IGFBP7: variants seen among roughly 807,000 people sequenced by gnomAD.
IGFBP7 encodes the protein insulin-like growth factor-binding protein 7.
Under a neutral mutation model 29.4 loss-of-function variants are expected in IGFBP7, and 31 were observed. The observed-to-expected ratio is 1.05, with a 90% confidence interval of 0.79 to 1.42. The LOEUF (loss-of-function observed/expected upper bound fraction) is 1.42, where lower values mean the gene tolerates loss of function less well. Ranked by LOEUF, IGFBP7 falls within the 40% of genes most tolerant of loss-of-function variation. The pLI, the probability that IGFBP7 is intolerant of heterozygous loss-of-function variation, is 0.00. For missense variants in IGFBP7, 393 were observed against 395.5 expected (o/e 0.99, Z 0.05); for synonymous variants, 172 against 174.9 (o/e 0.98, Z 0.13).
In IGFBP7 at chr4:57,110,324, GC is replaced by G; in HGVS notation, c.27del (p.Leu10SerfsTer79). The stretch of plus-strand genomic sequence containing the variant: ...AGCAGCAGCCCAGCGGCGCCGAGGA[GC>G]AGGGCGCGCAGCGACGGCCGCTCCA... Reference protein sequence around the residue: MERPSLRALLLGAAGLLLL... With the variant: MERPSLRAXLLGAAGLLLL... On this transcript the variant is annotated frameshift_variant, in exon 1 of 5. Coordinates refer to ENST00000295666, the MANE Select transcript of IGFBP7 (RefSeq NM_001553.3). LOFTEE classifies it high-confidence loss of function. 7.2e-7 allele frequency: 1 copy of G among 1,394,724 alleles called. No individual in the cohort carries two copies. The highest frequency in any genetic ancestry group is 9.3e-7 in the Non-Finnish European group (1 of 1,071,996). 86.4% of individuals were successfully genotyped at this position (1,394,724 alleles called of 1,614,324 possible).
rs1340470599 is a variant in IGFBP7 at position 57,049,201 on chromosome 4, C to T, written c.476-8268G>A. Among the ~76,000 whole-genome samples, 7 of 151,774 alleles carry T rather than the reference C, an allele frequency of 4.6e-5. No homozygotes were observed. The South Asian group carries it at 1.5e-3, about 32-fold the overall frequency. ...CCCAGTTAGCCAATTTTTTTTTCAT[C>T]TGAAAGAGCTGTGTAGAAGATATTA... On this transcript the variant is annotated intron_variant, in intron 1 of 4. Transcript: ENST00000295666.
chr4:57,098,631 C>A lies in IGFBP7; in HGVS notation c.475+11246G>T, dbSNP rs904339706. ...CCCTGGCCTGTCAAATATCTGGCAG[C>A]GTCTTGATCTCTGCCCCAGCCTGCC... On this transcript the variant is annotated intron_variant, in intron 1 of 4. Transcript: ENST00000295666. 2.6e-5 allele frequency among the ~76,000 whole-genome samples: 4 copies of A among 152,286 alleles called. No individual in the cohort carries two copies. The South Asian group carries it at 8.3e-4, about 32-fold the overall frequency.
At chr4:57,075,964 T>C (rs555535155) in intron 1 of IGFBP7, among the ~76,000 whole-genome samples, 2 of 152,322 alleles carry the variant, frequency 1.3e-5, no homozygotes, top group South Asian at 2.1e-4. Flanking sequence ...AGGAATACGA[T>C]ATAAAAATCT....
In IGFBP7 at chr4:57,110,156, C is replaced by T. The variant is rs1026254259; in HGVS notation, c.196G>A (p.Gly66Ser). The change falls in exon 1 of 5, where the codon GGC (glycine) becomes AGC (serine). Residue 66 changes from glycine to serine, a missense_variant. Transcript: ENST00000295666. ...CCACCCCCGCACGGCTCGCCCTCGC[C>T]GCGGGCGCACATAGGGCAGCAGCCG... The part of the protein sequence containing the change: ...ACGCCPMCAR[G>S]EGEPCGGGGA... 1.4e-6 allele frequency: 2 copies of T among 1,465,644 alleles called. No homozygotes were observed. Among genetic ancestry groups the T allele is most frequent in the East Asian group, 5.8e-5 (2 of 34,618 alleles). The allele number at this position is 1,465,644 out of a possible 1,614,324, so 90.8% of individuals were successfully genotyped here. A position where few individuals can be genotyped will look rare whatever the true frequency, so the allele number is the denominator to read the frequency against.
At chr4:57,062,080 G>A (rs189609653) in intron 1 of IGFBP7, among the ~76,000 whole-genome samples, 25 of 152,270 alleles carry the variant, frequency 1.6e-4, no homozygotes, top group East Asian at 1.4e-3. Context: ...TGTCTTGTGC[G>A]AGGTCACACA....
intron 1 of IGFBP7, among the ~76,000 whole-genome samples, chr4:57,075,892 T>C (rs1330224584): frequency 6.6e-6 from 1 of 152,232 alleles, no homozygotes; most frequent in Non-Finnish European, 1.5e-5. Context: ...CATGGATCTG[T>C]TATATATAAC....
intron 1 of IGFBP7, among the ~76,000 whole-genome samples, chr4:57,062,273 C>T (rs532894016): frequency 4.4e-4 from 67 of 152,128 alleles, no homozygotes; most frequent in Admixed American, 7.9e-4. Context: ...AACTGTAGGC[C>T]AAACTAGATT....
rs777120470 is a variant in IGFBP7 at position 57,110,078 on chromosome 4, T to C, written c.274A>G (p.Lys92Glu). Residue 92 changes from lysine to glutamate, a missense_variant, in exon 1 of 5, where the codon AAG becomes GAG. Physicochemically the swap from Lys to Glu is moderately conservative, Grantham distance 56 (BLOSUM62 1). Coordinates refer to ENST00000295666, the MANE Select transcript of IGFBP7 (RefSeq NM_001553.3). ...APGMECVKSR[K>E]RRKGKAGAAA... ...GCCCCGGCTTTACCCTTCCGCCTCT[T>C]GCGGCTCTTCACGCACTCCATGCCC... 7 of 1,556,606 alleles carry C rather than the reference T, an allele frequency of 4.5e-6. No individual in the cohort carries two copies. The East Asian group carries it at 1.7e-4, about 37-fold the overall frequency.
intron 1 of IGFBP7, among the ~76,000 whole-genome samples, chr4:57,101,819 C>T (rs1725904189): frequency 6.6e-6 from 1 of 151,140 alleles, no homozygotes; most frequent in Admixed American, 6.7e-5. Context: ...TTCCCTTGAA[C>T]ATTTCTAGTC....
intron 1 of IGFBP7, among the ~76,000 whole-genome samples, chr4:57,102,292 G>A (rs1725917845): frequency 6.6e-6 from 1 of 152,208 alleles, no homozygotes; most frequent in South Asian, 2.1e-4. Flanking sequence ...GCAGGCTCTA[G>A]GGACAGGATG....
rs149663161 is a variant in IGFBP7, at chr4:57,055,130, T to C, written c.476-14197A>G. On this transcript the variant is annotated intron_variant, in intron 1 of 4. Coordinates refer to ENST00000295666, the MANE Select transcript of IGFBP7 (RefSeq NM_001553.3). ...GCTATGCAGGTTGGAAAAGATTTCA[T>C]AGCGGGGCATCTGCAGAAATAGGCA... Among the ~76,000 whole-genome samples the C allele has an allele frequency of 3.4e-3, 523 of 152,284 alleles. 2 individuals carry two copies. Among genetic ancestry groups the C allele is most frequent in the African/African-American group, 0.012 (499 of 41,566 alleles).
At chr4:57,045,028 C>T (rs1724323523) in intron 1 of IGFBP7, among the ~76,000 whole-genome samples, 2 of 152,134 alleles carry the variant, frequency 1.3e-5, no homozygotes, top group South Asian at 4.1e-4. Flanking sequence ...TTTAAAAATA[C>T]CTGAACCCAG....
chr4:57,106,619 T>G (rs554690554), intron 1 of IGFBP7, among the ~76,000 whole-genome samples: 1 of 152,276 alleles, frequency 6.6e-6, no homozygotes, highest in Non-Finnish European at 1.5e-5. Context: ...AAGGTACTAA[T>G]AAGGGAGACC....
At chr4:57,070,010 G>T (rs1725017924) in intron 1 of IGFBP7, among the ~76,000 whole-genome samples, 1 of 152,104 alleles carries the variant, frequency 6.6e-6, no homozygotes, top group Non-Finnish European at 1.5e-5. Context: ...GAACCCCAGA[G>T]GCAGAGGTTG....
At chr4:57,096,149 T>C (rs1286861826) in intron 1 of IGFBP7, among the ~76,000 whole-genome samples, 2 of 151,596 alleles carry the variant, frequency 1.3e-5, no homozygotes, top group South Asian at 2.1e-4. Flanking sequence ...AAAACTGACA[T>C]ATTTCCGTTC....
intron 1 of IGFBP7, among the ~76,000 whole-genome samples, chr4:57,048,578 CTT>C (rs1014997470): frequency 6.6e-5 from 10 of 152,144 alleles, no homozygotes; most frequent in African/African-American, 2.2e-4. Flanking sequence ...GAGGAAAAGA[CTT>C]TGACATGAAA....
chr4:57,044,661 A>T (rs1233444669), intron 1 of IGFBP7, among the ~76,000 whole-genome samples: 3 of 151,924 alleles, frequency 2.0e-5, no homozygotes, highest in Non-Finnish European at 4.4e-5. Flanking sequence ...AATCTGTAAG[A>T]CCCACTGTAT....
intron 1 of IGFBP7, among the ~76,000 whole-genome samples, chr4:57,049,887 C>T (rs1410369648): frequency 6.6e-6 from 1 of 152,074 alleles, no homozygotes; most frequent in East Asian, 1.9e-4. Context: ...AAAAGATAGC[C>T]ACTGTCTTGA....
At chr4:57,073,191 C>G in intron 1 of IGFBP7, 1 of 1,251,608 alleles carries the variant, frequency 8.0e-7, no homozygotes, top group Non-Finnish European at 1.1e-6. Flanking sequence ...GATGGTCTGT[C>G]CTTTCTGTGA....
Sources: gnomAD v4.1 joint callset for allele counts (sites outside exome capture counted in the v4.1 genomes callset) on GRCh38, gnomAD v4.1.1 for gene constraint, MANE v1.5 for transcripts, NCBI Gene and HGNC (gene_info 2026-07-23, HGNC 2026-07-21) for gene names.